SH3BP5: variants seen among roughly 807,000 people sequenced by gnomAD.
SH3BP5 encodes the protein SH3 domain binding protein 5.
A neutral mutation model predicts 43.3 loss-of-function variants in SH3BP5; 22 were observed. That is an observed-to-expected ratio of 0.51 (90% CI 0.36 to 0.73). The LOEUF is 0.73. SH3BP5 is among the 30% of genes least tolerant of loss of function. The pLI, the probability that SH3BP5 is intolerant of heterozygous loss-of-function variation, is 0.00. For missense variants in SH3BP5, 529 were observed against 586.9 expected (o/e 0.90, Z 1.02); for synonymous variants, 255 against 225.8 (o/e 1.13, Z -1.16).
In SH3BP5 at chr3:15,262,196, G is replaced by C. The variant is rs745739545; in HGVS notation, c.589C>G (p.Leu197Val). Residue 197 changes from leucine to valine, a missense_variant, in exon 5 of 9, where the codon CTG becomes GTG. Leu to Val is a conservative substitution (Grantham distance 32). Coordinates refer to ENST00000383791, the MANE Select transcript of SH3BP5 (RefSeq NM_004844.5). Reference protein sequence around the residue: ...YNAAMGRMRQLEKKLKRAINK... With the variant: ...YNAAMGRMRQVEKKLKRAINK... ...ATGGCTCTCTTGAGTTTCTTCTCCA[G>C]CTGTCGCATGCGGCCCATGGCGGCA... is the stretch of plus-strand genomic sequence containing the variant. 39 of 1,613,986 alleles carry C rather than the reference G, an allele frequency of 2.4e-5. 1 individual carries two copies. The highest frequency in any genetic ancestry group is 2.8e-5 in the Non-Finnish European group (33 of 1,180,034).
chr3:15,256,491 A>G (rs947806168), intron 8 of SH3BP5, 188 bp from the exon 9 acceptor site: 6 of 649,080 alleles, frequency 9.2e-6, no homozygotes, highest in Non-Finnish European at 1.6e-5. Flanking sequence ...TTCTCAGTAC[A>G]TAATCATTTA....
chr3:15,330,447 C>T lies in SH3BP5; in HGVS notation c.201+57G>A. On this transcript the variant is annotated intron_variant, in intron 2 of 8. Transcript: ENST00000383791. ...AGCTATGAAGACAAAATTAACCAGC[C>T]TTGTGCCGGTGTGAGTGACATCACT... 2 of 1,436,776 alleles carry T rather than the reference C, an allele frequency of 1.4e-6. 1 individual carries two copies. The highest frequency in any genetic ancestry group is 2.8e-5 in the African/African-American group (2 of 71,570). The allele number at this position is 1,436,776 out of a possible 1,614,324, so 89.0% of individuals were successfully genotyped here.
intron 2 of SH3BP5, among the ~76,000 whole-genome samples, chr3:15,320,712 G>A (rs753649422): frequency 4.0e-5 from 6 of 150,880 alleles, no homozygotes; most frequent in Non-Finnish European, 8.8e-5. Flanking sequence ...AAAGGCTACA[G>A]TCCACAGGGA....
At chr3:15,273,419 G>C (rs1381290477) in intron 3 of SH3BP5, 1 of 985,256 alleles carries the variant, frequency 1.0e-6, no homozygotes, top group Non-Finnish European at 1.2e-6. Flanking sequence ...CAAAGGAAAA[G>C]AGGAAGCCCA....
intron 2 of SH3BP5, among the ~76,000 whole-genome samples, chr3:15,319,850 T>C (rs1198643163): frequency 1.3e-5 from 2 of 152,122 alleles, no homozygotes; most frequent in Non-Finnish European, 2.9e-5. Flanking sequence ...TCTGACTGCA[T>C]AAAACTCCTC....
upstream of SH3BP5, chr3:15,333,035 G>C: frequency 5.3e-6 from 5 of 951,212 alleles, no homozygotes; most frequent in Non-Finnish European, 6.3e-6. Flanking sequence ...GCCGAAGGCT[G>C]CGGCCTCTCT....
chr3:15,332,034 C>T (rs1417685712), intron 1 of SH3BP5: 8 of 586,054 alleles, frequency 1.4e-5, no homozygotes, highest in Non-Finnish European at 2.3e-5. Context: ...CCCGATCCTG[C>T]TACGGGTCGG....
intron 3 of SH3BP5, among the ~76,000 whole-genome samples, chr3:15,296,862 TAAAAAAA>T (rs869130338): frequency 8.1e-6 from 1 of 123,162 alleles, no homozygotes; most frequent in Non-Finnish European, 1.7e-5. Flanking sequence ...TCTGGCTTCT[TAAAAAAA>T]AAAAAAAAAA....
At chr3:15,270,235 G>A (rs1010283636) in intron 3 of SH3BP5, among the ~76,000 whole-genome samples, 1 of 152,192 alleles carries the variant, frequency 6.6e-6, no homozygotes, top group African/African-American at 2.4e-5. Flanking sequence ...CACCTTCCCT[G>A]CCCAGATCTG....
intron 1 of SH3BP5, among the ~76,000 whole-genome samples, chr3:15,340,706 G>A (rs947637904): frequency 1.3e-5 from 2 of 151,716 alleles, no homozygotes; most frequent in Admixed American, 6.6e-5. Flanking sequence ...AGCCAAGATC[G>A]CGCCACTGTA....
At chr3:15,277,675 G>A (rs757212746) in intron 3 of SH3BP5, among the ~76,000 whole-genome samples, 4 of 152,094 alleles carry the variant, frequency 2.6e-5, no homozygotes, top group Non-Finnish European at 5.9e-5. Flanking sequence ...AGAGAGGCAC[G>A]GGGCAGGCAA....
At chr3:15,284,524 C>T (rs926767522) in intron 3 of SH3BP5, among the ~76,000 whole-genome samples, 5 of 152,210 alleles carry the variant, frequency 3.3e-5, no homozygotes, top group Admixed American at 1.3e-4. Flanking sequence ...TAACATTCCT[C>T]GTGCCTCAGA....
intron 2 of SH3BP5, among the ~76,000 whole-genome samples, chr3:15,324,508 G>A (rs1258111582): frequency 6.6e-6 from 1 of 152,214 alleles, no homozygotes. Flanking sequence ...AGGGGTGTAG[G>A]GGCTCTGCCA....
chr3:15,338,873 T>C (rs1698732031), intron 1 of SH3BP5, among the ~76,000 whole-genome samples: 1 of 152,152 alleles, frequency 6.6e-6, no homozygotes, highest in African/African-American at 2.4e-5. Flanking sequence ...CAGAACCCTA[T>C]TGGCAGACCA....
chr3:15,330,984 G>A (rs1177887281), intron 1 of SH3BP5, among the ~76,000 whole-genome samples: 1 of 150,188 alleles, frequency 6.7e-6, no homozygotes, highest in African/African-American at 2.5e-5. Context: ...ATCATCAAGG[G>A]CAGAATTCTG....
At position 15,304,139 on chromosome 3, in the gene SH3BP5, G is replaced by A; in HGVS notation, c.294C>T (p.Ser98=). 1 of 1,614,164 alleles carries A rather than the reference G, an allele frequency of 6.2e-7. No individual in the cohort carries two copies. Among genetic ancestry groups the A allele is most frequent in the South Asian group, 1.1e-5 (1 of 91,082 alleles). ...VKKIGKAVED[S]KPYWEARRVA... ...CCCTCCGTGCCTCCCAGTAGGGCTT[G>A]GAGTCTTCCACAGCTTTGCCAATTT... Residue 98 remains serine, a synonymous_variant, in exon 3 of 9, where the codon TCC becomes TCT. Transcript: ENST00000383791.
chr3:15,272,617 C>CATTACAAAACAGAGAGCCT (rs1559432774), intron 3 of SH3BP5, among the ~76,000 whole-genome samples: 1 of 43,090 alleles, frequency 2.3e-5, no homozygotes, highest in Non-Finnish European at 4.4e-5. Context: ...ACAGAGTGCC[C>CATTACAAAACAGAGAGCCT]GTAGGATAAA....
intron 3 of SH3BP5, among the ~76,000 whole-genome samples, chr3:15,298,816 A>T (rs900050178): frequency 6.6e-6 from 1 of 152,028 alleles, no homozygotes; most frequent in African/African-American, 2.4e-5. Flanking sequence ...AGGATTGGGG[A>T]GTTAGTGTTG....
intron 3 of SH3BP5, among the ~76,000 whole-genome samples, chr3:15,293,498 G>A (rs1003346435): frequency 3.9e-5 from 6 of 152,196 alleles, no homozygotes; most frequent in South Asian, 2.1e-4. Flanking sequence ...AGAGCTTCTC[G>A]GAACAAGAGC....
Sources: gnomAD v4.1 joint callset for allele counts (sites outside exome capture counted in the v4.1 genomes callset) on GRCh38, gnomAD v4.1.1 for gene constraint, MANE v1.5 for transcripts, NCBI Gene and HGNC (gene_info 2026-07-23, HGNC 2026-07-21) for gene names.